Variants in KHDRBS2 observed in about 807,000 individuals in gnomAD.
KHDRBS2 encodes the protein KH RNA binding domain containing, signal transduction associated 2, also known as KH domain-containing, RNA-binding, signal transduction-associated protein 2.
Under a neutral mutation model 44.3 loss-of-function variants are expected in KHDRBS2, and 26 were observed. The observed-to-expected ratio is 0.59, with a 90% CI of 0.43 to 0.81. The LOEUF is 0.81. Ranked by LOEUF, KHDRBS2 falls within the 40% of genes least tolerant of loss-of-function variation. The pLI, the probability that KHDRBS2 is intolerant of heterozygous loss-of-function variation, is 0.00. For synonymous variants in KHDRBS2, 194 were observed against 151.1 expected (o/e 1.28, Z -2.08); for missense variants, 476 against 433.1 (o/e 1.10, Z -0.88).
At chr6:61,955,281 C>G (rs964305980) in intron 4 of KHDRBS2, among the ~76,000 whole-genome samples, 1 of 55,770 alleles carries the variant, frequency 1.8e-5, no homozygotes, top group African/African-American at 4.9e-5. Context: ...TGTAAATATA[C>G]TCATACGTAT....
intron 6 of KHDRBS2, 48 bp downstream of exon 6, chr6:61,894,587 C>G (rs1359742402): frequency 1.4e-6 from 2 of 1,453,160 alleles, no homozygotes; most frequent in Admixed American, 3.7e-5. Flanking sequence ...AGCTTGTTAA[C>G]TAATCAATTT....
chr6:61,573,617 C>G, the KHDRBS2 span, among the ~76,000 whole-genome samples: 1 of 152,090 alleles, frequency 6.6e-6, no homozygotes, highest in Admixed American at 6.6e-5. Context: ...TGGAGAAACC[C>G]TGTCTCTACT....
intron 2 of KHDRBS2, among the ~76,000 whole-genome samples, chr6:62,174,289 A>G (rs192025065): frequency 6.6e-6 from 1 of 151,840 alleles, no homozygotes; most frequent in Admixed American, 6.6e-5. Flanking sequence ...AATCATATCA[A>G]TAATGCAATC....
chr6:62,189,235 G>A (rs1824089489), intron 1 of KHDRBS2, among the ~76,000 whole-genome samples: 1 of 152,088 alleles, frequency 6.6e-6, no homozygotes, highest in African/African-American at 2.4e-5. Context: ...CATGTTGTGA[G>A]GAACTGAAGC....
chr6:61,732,601 TATA>T, intron 7 of KHDRBS2, 78 bp downstream of exon 7: 1 of 812,762 alleles, frequency 1.2e-6, no homozygotes, highest in Non-Finnish European at 2.1e-6. Flanking sequence ...TCTCACATGA[TATA>T]ATTGACATTC....
At chr6:62,020,437 T>C (rs1469514487) in intron 3 of KHDRBS2, among the ~76,000 whole-genome samples, 1 of 151,968 alleles carries the variant, frequency 6.6e-6, no homozygotes, top group Non-Finnish European at 1.5e-5. Context: ...GAGTGTGGGG[T>C]ATTGTCTATA....
At chr6:62,201,537 C>T (rs563119824) in intron 1 of KHDRBS2, among the ~76,000 whole-genome samples, 1 of 152,014 alleles carries the variant, frequency 6.6e-6, no homozygotes, top group Non-Finnish European at 1.5e-5. Context: ...TAACAAATTT[C>T]ACAAATGAAA....
At chr6:61,546,383 C>T in the KHDRBS2 span, among the ~76,000 whole-genome samples, 1 of 151,970 alleles carries the variant, frequency 6.6e-6, no homozygotes, top group Non-Finnish European at 1.5e-5. Context: ...ATTAGGCTCA[C>T]CTGAGATTAT....
intron 6 of KHDRBS2, among the ~76,000 whole-genome samples, chr6:61,779,950 T>C (rs16899579): frequency 0.031 from 4,645 of 152,170 alleles, 252 homozygotes; most frequent in African/African-American, 0.11. Flanking sequence ...AAAAACTTAC[T>C]ATATTGTAGC....
At chr6:61,819,448 C>A (rs1328882723) in intron 6 of KHDRBS2, among the ~76,000 whole-genome samples, 1 of 151,956 alleles carries the variant, frequency 6.6e-6, no homozygotes, top group Non-Finnish European at 1.5e-5. Flanking sequence ...ATACACAGTT[C>A]TCAAGTTGAT....
chr6:62,256,230 C>T lies in KHDRBS2; in HGVS notation c.91+29628G>A, dbSNP rs2150178387. Among the ~76,000 whole-genome samples, 4 of 152,066 alleles carry T rather than the reference C, an allele frequency of 2.6e-5. No homozygotes were observed. In the South Asian group the frequency reaches 8.3e-4, roughly 32 times the overall value. On this transcript the variant is annotated intron_variant, in intron 1 of 8. Transcript: ENST00000281156. Reference sequence around the variant, plus strand: ...CCCAGCTACAGGGTCCACCTCTGCCCCGACATTAGATTCCAAGCTGAATAA... The same window carrying T: ...CCCAGCTACAGGGTCCACCTCTGCCTCGACATTAGATTCCAAGCTGAATAA...
At chr6:61,598,417 G>T in the KHDRBS2 span, among the ~76,000 whole-genome samples, 1 of 152,106 alleles carries the variant, frequency 6.6e-6, no homozygotes, top group Non-Finnish European at 1.5e-5. Context: ...GCCAAATGAG[G>T]TACATCCCAC....
intron 1 of KHDRBS2, among the ~76,000 whole-genome samples, chr6:62,203,085 G>A (rs1185668309): frequency 6.6e-6 from 1 of 152,134 alleles, no homozygotes; most frequent in South Asian, 2.1e-4. Context: ...AAGGACCAGT[G>A]AAGTGAATCT....
intron 6 of KHDRBS2, among the ~76,000 whole-genome samples, chr6:61,846,499 A>G (rs1340174251): frequency 1.3e-5 from 2 of 152,150 alleles, no homozygotes; most frequent in Admixed American, 6.5e-5. Flanking sequence ...AGCTCAGAAA[A>G]GTCTGCCCTG....
the KHDRBS2 span, among the ~76,000 whole-genome samples, chr6:61,646,476 A>G: frequency 1.3e-5 from 2 of 152,220 alleles, no homozygotes; most frequent in African/African-American, 4.8e-5. Flanking sequence ...AAAAAAATAC[A>G]GAAACATCAT....
At chr6:62,095,700 A>G (rs1800440875) in intron 2 of KHDRBS2, among the ~76,000 whole-genome samples, 1 of 151,794 alleles carries the variant, frequency 6.6e-6, no homozygotes, top group African/African-American at 2.4e-5. Flanking sequence ...TAATTTGTAT[A>G]CCTTTTATTT....
In KHDRBS2 at chr6:61,950,516, G is replaced by A. The variant is rs1191236825; in HGVS notation, c.483+27550C>T. ...AATCAATGATGTTGATATGCTTCTG[G>A]ATTCTGTGTAAATATACTTCATTTT... On this transcript the variant is annotated intron_variant, in intron 4 of 8. Coordinates refer to ENST00000281156, the MANE Select transcript of KHDRBS2 (RefSeq NM_152688.4). Among the ~76,000 whole-genome samples, 3 of 151,796 alleles carry A rather than the reference G, an allele frequency of 2.0e-5. No homozygotes were observed. In the East Asian group the frequency reaches 5.8e-4, roughly 29 times the overall value.
intron 6 of KHDRBS2, among the ~76,000 whole-genome samples, chr6:61,740,651 T>C (rs1776007783): frequency 6.6e-6 from 1 of 151,922 alleles, no homozygotes; most frequent in Non-Finnish European, 1.5e-5. Flanking sequence ...TTTTTCCTCT[T>C]AGTTTTTATT....
At chr6:61,985,528 A>G (rs1457367701) in intron 3 of KHDRBS2, among the ~76,000 whole-genome samples, 9 of 152,124 alleles carry the variant, frequency 5.9e-5, no homozygotes, top group Admixed American at 5.9e-4. Context: ...ACCCAAGAGG[A>G]AGTTTTCAAA....
Sources: allele counts gnomAD v4.1 joint callset (sites outside exome capture counted in the v4.1 genomes callset), GRCh38; gene constraint gnomAD v4.1.1; transcripts MANE v1.5; gene names NCBI Gene and HGNC (gene_info 2026-07-23, HGNC 2026-07-21).